Variants in YARS1 observed in about 807,000 individuals in gnomAD.
YARS1 encodes the protein tyrosyl-tRNA synthetase 1, also known as tyrosine--tRNA ligase, cytoplasmic.
YARS1 carries 36 observed loss-of-function variants against 62.2 expected under a neutral mutation model. The ratio of observed to expected loss-of-function variants is 0.58; its 90% CI spans 0.44 to 0.76. The LOEUF (loss-of-function observed/expected upper bound fraction) is 0.76. Among genes scored for constraint, YARS1 ranks in the 30% least tolerant of loss-of-function variants. YARS1 has a pLI of 0.00. For synonymous variants in YARS1, 234 were observed against 244.9 expected (o/e 0.96, Z 0.42); for missense variants, 524 against 639.8 (o/e 0.82, Z 1.95).
intron 4 of YARS1, among the ~76,000 whole-genome samples, chr1:32,802,970 G>T (rs1044386900): frequency 7.3e-6 from 1 of 136,372 alleles, no homozygotes; most frequent in Non-Finnish European, 1.5e-5. Context: ...GCGCCACAAC[G>T]CCTGGCTATT....
chr1:32,797,295 C>T (rs752152930), intron 5 of YARS1, among the ~76,000 whole-genome samples: 7 of 151,620 alleles, frequency 4.6e-5, no homozygotes, highest in South Asian at 4.2e-4. Flanking sequence ...CTGCTTGAGC[C>T]CAGGCTGTCG....
chr1:32,813,067 T>C (rs1314964722), intron 1 of YARS1, among the ~76,000 whole-genome samples: 1 of 151,780 alleles, frequency 6.6e-6, no homozygotes, highest in Admixed American at 6.6e-5. Context: ...TTTCAATCAA[T>C]TGCCAGTCAG....
At chr1:32,788,784 C>G (rs1286732914) in intron 6 of YARS1, among the ~76,000 whole-genome samples, 2 of 152,024 alleles carry the variant, frequency 1.3e-5, no homozygotes, top group East Asian at 3.9e-4. Flanking sequence ...CCAGGACAAT[C>G]TCAAACTCCT....
chr1:32,806,146 C>T (rs530710610), intron 4 of YARS1, among the ~76,000 whole-genome samples: 7 of 152,222 alleles, frequency 4.6e-5, no homozygotes, highest in Non-Finnish European at 7.4e-5. Flanking sequence ...TTATTAAGTT[C>T]GTTGTCTTAT....
intron 10 of YARS1, 127 bp downstream of exon 10, chr1:32,780,921 C>T (rs1373895589): frequency 3.5e-6 from 3 of 846,076 alleles, no homozygotes; most frequent in Non-Finnish European, 6.0e-6. Context: ...GAATTAGACA[C>T]CTGCACTCTG....
At position 32,817,357 on chromosome 1, in the gene YARS1, C is replaced by T; in HGVS notation, c.-113G>A. 1 of 1,382,706 alleles carries T rather than the reference C, an allele frequency of 7.2e-7. No homozygotes were observed. Among genetic ancestry groups the T allele is most frequent in the Non-Finnish European group, 1.0e-6 (1 of 987,430 alleles). The allele number at this position is 1,382,706 out of a possible 1,614,324, so 85.7% of individuals were successfully genotyped here. On this transcript the variant is annotated 5_prime_UTR_variant, in exon 1 of 13. Coordinates refer to ENST00000373477, the MANE Select transcript of YARS1 (RefSeq NM_003680.4). Reference sequence around the variant, plus strand: ...CGCGAGTCCAGCCAGGTTGCATCAGCTGGGCTCGGCGCTCCGCTTACTCGG... The same window carrying T: ...CGCGAGTCCAGCCAGGTTGCATCAGTTGGGCTCGGCGCTCCGCTTACTCGG...
At chr1:32,786,087 C>T (rs949803084) in intron 8 of YARS1, among the ~76,000 whole-genome samples, 9 of 152,064 alleles carry the variant, frequency 5.9e-5, no homozygotes, top group African/African-American at 2.2e-4. Flanking sequence ...AGAGGTGAGA[C>T]AGAGTCCCTG....
At chr1:32,782,653 TG>T in intron 8 of YARS1, 114 bp from the exon 9 acceptor site, 1 of 1,433,520 alleles carries the variant, frequency 7.0e-7, no homozygotes, top group South Asian at 1.2e-5. Flanking sequence ...TTGATCCTTG[TG>T]ATAATCTTGT....
At chr1:32,801,182 GGCCTATAGGTTGGAGAAGGAATAGAAAAT>G (rs1638280694) in intron 4 of YARS1, among the ~76,000 whole-genome samples, 1 of 152,154 alleles carries the variant, frequency 6.6e-6, no homozygotes, top group South Asian at 2.1e-4. Flanking sequence ...CACACAGGAA[GGCCTATAGGTTGGAGAAGGAATAGAAAAT>G]GCATATATTT....
chr1:32,805,885 C>G (rs866083745), intron 4 of YARS1, among the ~76,000 whole-genome samples: 9 of 152,110 alleles, frequency 5.9e-5, no homozygotes, highest in Non-Finnish European at 1.5e-5. Context: ...TTGCTTGAAC[C>G]CGGGAGGCGG....
intron 1 of YARS1, among the ~76,000 whole-genome samples, chr1:32,815,834 G>A (rs1638704882): frequency 6.6e-6 from 1 of 152,106 alleles, no homozygotes; most frequent in Non-Finnish European, 1.5e-5. Flanking sequence ...TTGTGGCCGG[G>A]AGCCGTGGCT....
intron 5 of YARS1, among the ~76,000 whole-genome samples, chr1:32,796,967 A>C (rs1412548163): frequency 4.1e-4 from 4 of 9,764 alleles, no homozygotes; most frequent in African/African-American, 1.7e-3. Flanking sequence ...CTCAGTCTCA[A>C]AAAAAAAAAA....
intron 6 of YARS1, among the ~76,000 whole-genome samples, chr1:32,790,031 C>T (rs1267349703): frequency 6.7e-6 from 1 of 150,116 alleles, no homozygotes; most frequent in African/African-American, 2.5e-5. Flanking sequence ...TTACAGGCGC[C>T]TGCCACCACG....
intron 12 of YARS1, among the ~76,000 whole-genome samples, chr1:32,778,558 C>T (rs1652942930): frequency 6.6e-6 from 1 of 151,500 alleles, no homozygotes; most frequent in African/African-American, 2.4e-5. Flanking sequence ...AGGTGTCTGC[C>T]ACCGCGCCCG....
chr1:32,807,891 A>C (rs915547306), intron 3 of YARS1, among the ~76,000 whole-genome samples: 5 of 152,138 alleles, frequency 3.3e-5, no homozygotes, highest in Admixed American at 2.6e-4. Flanking sequence ...AACTGATATC[A>C]AAATTTCCCA....
At chr1:32,801,296 C>A (rs1029492429) in intron 4 of YARS1, among the ~76,000 whole-genome samples, 1 of 151,684 alleles carries the variant, frequency 6.6e-6, no homozygotes, top group Non-Finnish European at 1.5e-5. Context: ...TTCCAGACAA[C>A]CACAATAAAG....
chr1:32,781,181 T>G, intron 9 of YARS1, 36 bp from the exon 10 acceptor site: 13 of 1,553,046 alleles, frequency 8.4e-6, no homozygotes, highest in South Asian at 1.1e-5. Context: ...GTAGAATTCT[T>G]CCCTGTGGCA....
chr1:32,786,316 C>G, intron 8 of YARS1, 46 bp downstream of exon 8: 1 of 1,590,426 alleles, frequency 6.3e-7, no homozygotes, highest in Non-Finnish European at 8.6e-7. Context: ...CAAAAAATAA[C>G]AAAATACAGA....
rs950577466 is a variant in YARS1 at position 32,775,257 on chromosome 1, A to G, written c.*724T>C. On this transcript the variant is annotated 3_prime_UTR_variant, in exon 13 of 13. Transcript: ENST00000373477. Reference sequence around the variant, plus strand: ...CCAGACACCCTTGTTCAGACATTTTATTTGAATTTATGACAGTGATGGGGA... The same window carrying G: ...CCAGACACCCTTGTTCAGACATTTTGTTTGAATTTATGACAGTGATGGGGA... 2 of 152,406 alleles carry G rather than the reference A, an allele frequency of 1.3e-5. No individual in the cohort carries two copies. Among genetic ancestry groups the G allele is most frequent in the Non-Finnish European group, 2.9e-5 (2 of 68,248 alleles). 9.4% of individuals were successfully genotyped at this position (152,406 alleles called of 1,614,324 possible). A position where few individuals can be genotyped will look rare whatever the true frequency, so the allele number is the denominator to read the frequency against.
Sources: gnomAD v4.1 joint callset for allele counts (sites outside exome capture counted in the v4.1 genomes callset) on GRCh38, gnomAD v4.1.1 for gene constraint, MANE v1.5 for transcripts, NCBI Gene and HGNC (gene_info 2026-07-23, HGNC 2026-07-21) for gene names.